The following NRDC variants were observed in gnomAD, a reference collection of about 807,000 sequenced individuals.
NRDC encodes nardilysin.
In NRDC, 54 loss-of-function variants were observed where a neutral mutation model predicts 147.1. The ratio of observed to expected loss-of-function variants is 0.37; its 90% CI spans 0.29 to 0.46. The LOEUF is 0.46. NRDC is among the 20% of genes least tolerant of loss of function. The pLI is 1.00. For synonymous variants in NRDC, 440 were observed against 482.1 expected, an observed-to-expected ratio of 0.91 and a Z score of 1.14; for missense variants, 1,082 against 1,370.6, an observed-to-expected ratio of 0.79 and a Z score of 3.33.
chr1:51,824,343 C>G (rs1222233638), intron 6 of NRDC, among the ~76,000 whole-genome samples: 6 of 152,054 alleles, frequency 3.9e-5, no homozygotes, highest in Admixed American at 3.9e-4. Context: ...CCAGGCTGGT[C>G]TCAAACTCCT....
chr1:51,789,499 T>C, intron 30 of NRDC, 66 bp from the exon 31 acceptor site: 1 of 1,597,094 alleles, frequency 6.3e-7, no homozygotes, highest in Non-Finnish European at 8.6e-7. Context: ...AGAGTTCTGA[T>C]GATAACCACC....
intron 9 of NRDC, among the ~76,000 whole-genome samples, chr1:51,819,025 G>C (rs1680095187): frequency 6.6e-6 from 1 of 152,156 alleles, no homozygotes; most frequent in Non-Finnish European, 1.5e-5. Context: ...CTGGAGGCCG[G>C]GCGTGGTGGC....
At chr1:51,837,077 C>T (rs550759808) in intron 2 of NRDC, among the ~76,000 whole-genome samples, 3 of 151,426 alleles carry the variant, frequency 2.0e-5, no homozygotes, top group African/African-American at 4.8e-5. Flanking sequence ...CCACTGCACC[C>T]GAACTATTGG....
intron 22 of NRDC, chr1:51,795,706 C>G (rs999637510): frequency 1.3e-5 from 2 of 154,262 alleles, no homozygotes; most frequent in African/African-American, 4.8e-5. Context: ...GCCCCACAGA[C>G]ATTTCCAACT....
intron 1 of NRDC, among the ~76,000 whole-genome samples, chr1:51,857,578 T>C (rs1192642641): frequency 6.6e-6 from 1 of 152,194 alleles, no homozygotes; most frequent in African/African-American, 2.4e-5. Context: ...GATATCGTGG[T>C]AAGTTCTCGC....
chr1:51,795,279 T>C, intron 22 of NRDC: 2 of 1,127,422 alleles, frequency 1.8e-6, no homozygotes, highest in Non-Finnish European at 2.4e-6. Context: ...AGAATTCTGT[T>C]TTCTTATCTA....
At chr1:51,824,516 TA>T (rs1680358296) in intron 6 of NRDC, among the ~76,000 whole-genome samples, 2 of 152,148 alleles carry the variant, frequency 1.3e-5, no homozygotes, top group Non-Finnish European at 2.9e-5. Flanking sequence ...AAACACCCTT[TA>T]AAGAATAATT....
At chr1:51,870,519 G>T (rs918671673) in intron 1 of NRDC, among the ~76,000 whole-genome samples, 4 of 152,048 alleles carry the variant, frequency 2.6e-5, no homozygotes, top group Admixed American at 1.3e-4. Context: ...CACACTCAAG[G>T]CTTCCCCTAT....
At chr1:51,805,414 A>T in intron 19 of NRDC, 96 bp downstream of exon 19, 1 of 957,788 alleles carries the variant, frequency 1.0e-6, no homozygotes, top group Non-Finnish European at 1.6e-6. Flanking sequence ...TAGCTCAAAT[A>T]TGGATAGAGA....
chr1:51,814,847 T>A (rs1679885761), intron 11 of NRDC, 34 bp from the exon 12 acceptor site: 1 of 1,543,140 alleles, frequency 6.5e-7, no homozygotes, highest in African/African-American at 1.4e-5. Context: ...CCAATCAATG[T>A]TCCTGGATTG....
At chr1:51,833,298 C>CA (rs1010944588) in intron 4 of NRDC, among the ~76,000 whole-genome samples, 12 of 152,036 alleles carry the variant, frequency 7.9e-5, no homozygotes, top group Middle Eastern at 3.4e-3. Flanking sequence ...CCCAATTCTA[C>CA]AAAAAAATTT....
chr1:51,839,098 C>A (rs1401323204), intron 2 of NRDC, among the ~76,000 whole-genome samples: 1 of 151,822 alleles, frequency 6.6e-6, no homozygotes, highest in Non-Finnish European at 1.5e-5. Context: ...ACTATTAAAT[C>A]ATATCTACTA....
intron 2 of NRDC, among the ~76,000 whole-genome samples, chr1:51,836,800 C>T (rs765383892): frequency 1.4e-4 from 22 of 152,126 alleles, no homozygotes; most frequent in South Asian, 2.1e-4. Context: ...TTTAAAGAGG[C>T]TTTTTAGTTC....
chr1:51,856,057 C>G (rs1682226125), intron 1 of NRDC, among the ~76,000 whole-genome samples: 1 of 152,116 alleles, frequency 6.6e-6, no homozygotes, highest in South Asian at 2.1e-4. Context: ...GATAAGTGGA[C>G]AGATTATTCT....
Position 51,823,760 on chromosome 1 carries a change from G to T in NRDC, c.1063C>A (p.Pro355Thr). Residue 355 changes from proline (P) to threonine (T), a missense_variant, in exon 7 of 31, where the codon CCA (proline) becomes ACA (threonine). Transcript: ENST00000352171. ...WGNAETLKHE[P>T]RKNNIDTHAR... ...TGTGTATCAATATTATTCTTTCTTG[G>T]CTCATGCTTGAGCGTCTCAGCATTT... 6.2e-7 allele frequency: 1 copy of T among 1,604,038 alleles called. No individual in the cohort carries two copies. The highest frequency in any genetic ancestry group is 8.5e-7 in the Non-Finnish European group (1 of 1,172,938).
intron 22 of NRDC, among the ~76,000 whole-genome samples, chr1:51,796,450 G>A (rs1221189461): frequency 6.6e-6 from 1 of 152,140 alleles, no homozygotes; most frequent in Admixed American, 6.5e-5. Context: ...ATGTTGGCCA[G>A]GCTGGTCTTG....
intron 1 of NRDC, 146 bp downstream of exon 1, chr1:51,878,129 G>T (rs373694064): frequency 3.5e-6 from 5 of 1,414,742 alleles, no homozygotes. Context: ...CTCTAATCAC[G>T]CTTGCCACCT....
chr1:51,876,065 G>A (rs1683309951), intron 1 of NRDC, among the ~76,000 whole-genome samples: 1 of 152,166 alleles, frequency 6.6e-6, no homozygotes, highest in Non-Finnish European at 1.5e-5. Flanking sequence ...TACCAAAAAT[G>A]AGGTCAGTAA....
At chr1:51,821,755 T>G (rs552352406) in intron 7 of NRDC, among the ~76,000 whole-genome samples, 200 bp from the exon 8 acceptor site, 1 of 152,298 alleles carries the variant, frequency 6.6e-6, no homozygotes, top group South Asian at 2.1e-4. Context: ...ACACAGAATT[T>G]TGTGAGACCC....
Sources: allele counts gnomAD v4.1 joint callset (sites outside exome capture counted in the v4.1 genomes callset), GRCh38; gene constraint gnomAD v4.1.1; transcripts MANE v1.5; gene names NCBI Gene and HGNC (gene_info 2026-07-23, HGNC 2026-07-21).